The following AFAP1 variants were observed in gnomAD, a reference collection of about 807,000 sequenced individuals.
AFAP1 encodes actin filament-associated protein 1.
Under a neutral mutation model 93.9 loss-of-function variants are expected in AFAP1, and 75 were observed. The ratio of observed to expected loss-of-function variants is 0.80; its 90% confidence interval spans 0.66 to 0.97. The LOEUF is 0.97. AFAP1 is among the 50% of genes least tolerant of loss of function. AFAP1 has a pLI of 0.00. For missense variants in AFAP1, 1,201 were observed against 1,050.8 expected, an observed-to-expected ratio of 1.14 and a Z score of -1.98; for synonymous variants, 517 against 430.7, an observed-to-expected ratio of 1.20 and a Z score of -2.48.
intron 11 of AFAP1, among the ~76,000 whole-genome samples, chr4:7,791,191 G>A (rs1032238956): frequency 6.6e-6 from 1 of 152,160 alleles, no homozygotes; most frequent in Non-Finnish European, 1.5e-5. Flanking sequence ...TTGAAAGGTC[G>A]TGTAATCTCA....
intron 3 of AFAP1, 65 bp from the exon 4 acceptor site, chr4:7,855,639 C>CTTCT: frequency 7.7e-7 from 1 of 1,292,394 alleles, no homozygotes; most frequent in Non-Finnish European, 1.1e-6. Flanking sequence ...TCTGGATTTC[C>CTTCT]AATTAACAGG....
chr4:7,781,714 C>T lies in AFAP1; in HGVS notation c.1531-87G>A, dbSNP rs538186087. 4.8e-5 allele frequency: 72 copies of T among 1,492,826 alleles called. No homozygotes were observed. The Middle Eastern group carries it at 7.2e-4, about 15-fold the overall frequency. 92.5% of individuals were successfully genotyped at this position (1,492,826 alleles called of 1,614,324 possible). Reference sequence around the variant, plus strand: ...AGTGAGATGTCATTTATTAATAGTACGGCATTTAGCATACATTGGCACCCC... The same window carrying T: ...AGTGAGATGTCATTTATTAATAGTATGGCATTTAGCATACATTGGCACCCC... On this transcript the variant is annotated intron_variant, in intron 12 of 17. Transcript: ENST00000420658.
At chr4:7,892,620 T>A (rs1004986387) in intron 1 of AFAP1, among the ~76,000 whole-genome samples, 1 of 152,174 alleles carries the variant, frequency 6.6e-6, no homozygotes, top group Non-Finnish European at 1.5e-5. Context: ...ATGATTTAAA[T>A]AAAAAGCTGA....
chr4:7,786,351 AC>A, intron 11 of AFAP1, 40 bp from the exon 12 acceptor site: 2 of 1,520,128 alleles, frequency 1.3e-6, no homozygotes, highest in Non-Finnish European at 1.8e-6. Flanking sequence ...TAACCTGACC[AC>A]CTTTTACTCC....
At chr4:7,793,560 A>C in intron 11 of AFAP1, 121 bp downstream of exon 11, 1 of 1,160,046 alleles carries the variant, frequency 8.6e-7, no homozygotes, top group Non-Finnish European at 1.1e-6. Context: ...GATAATGCAA[A>C]AGGGAAAGTC....
chr4:7,815,982 TAG>T (rs1577245535), intron 8 of AFAP1, 34 bp downstream of exon 8: 1 of 1,524,802 alleles, frequency 6.6e-7, no homozygotes, highest in Non-Finnish European at 8.9e-7. Context: ...TTTTTTTTTT[TAG>T]TGTATATATG....
chr4:7,814,142 T>C (rs550503421), intron 8 of AFAP1, among the ~76,000 whole-genome samples: 1 of 152,268 alleles, frequency 6.6e-6, no homozygotes, highest in East Asian at 1.9e-4. Context: ...GGACTTGTAT[T>C]CAGAAAAGAC....
At chr4:7,925,657 A>G (rs1237105087) in intron 1 of AFAP1, among the ~76,000 whole-genome samples, 1 of 152,034 alleles carries the variant, frequency 6.6e-6, no homozygotes, top group Non-Finnish European at 1.5e-5. Flanking sequence ...GACCAGCCTG[A>G]CCAACAAGGA....
chr4:7,830,496 C>G (rs73086472), intron 6 of AFAP1, among the ~76,000 whole-genome samples: 119 of 152,302 alleles, frequency 7.8e-4, no homozygotes, highest in African/African-American at 2.8e-3. Flanking sequence ...GAAAAAACAG[C>G]TGCAGGGTTT....
In AFAP1 at chr4:7,909,123, A is replaced by G. The variant is rs114274250; in HGVS notation, c.-3+30533T>C. On this transcript the variant is annotated intron_variant, in intron 1 of 17. Coordinates refer to ENST00000420658, the MANE Select transcript of AFAP1 (RefSeq NM_001134647.2). ...AAATTCATTAGCTCTTAATATTTAC[A>G]TTTAAATATGATGATGGTGGTGTCA... is the stretch of plus-strand genomic sequence containing the variant. Among the ~76,000 whole-genome samples the G allele has an allele frequency of 2.3e-3, 351 of 152,366 alleles. 2 individuals carry two copies. Among genetic ancestry groups the G allele is most frequent in the African/African-American group, 8.0e-3 (334 of 41,588 alleles).
At chr4:7,799,115 G>T in intron 10 of AFAP1, 1 of 982,996 alleles carries the variant, frequency 1.0e-6, no homozygotes, top group South Asian at 4.7e-5. Context: ...GGTGGGTAAA[G>T]AAGCTGAGAG....
Position 7,916,939 on chromosome 4 carries a change from T to C in AFAP1, c.-3+22717A>G, listed in dbSNP as rs114328013. Among the ~76,000 whole-genome samples, 228 of 152,314 alleles carry C rather than the reference T, an allele frequency of 1.5e-3. 2 individuals are homozygous for C. The highest frequency in any genetic ancestry group is 5.4e-3 in the African/African-American group (226 of 41,570). ...TGTACCAGACACTGAATGTATTCAC[T>C]GAATGCACTATTTCTTGAAATGATC... On this transcript the variant is annotated intron_variant, in intron 1 of 17. Coordinates refer to ENST00000420658, the MANE Select transcript of AFAP1 (RefSeq NM_001134647.2).
chr4:7,803,047 C>A (rs1719201145), intron 9 of AFAP1, among the ~76,000 whole-genome samples: 1 of 152,208 alleles, frequency 6.6e-6, no homozygotes, highest in Admixed American at 6.5e-5. Flanking sequence ...GGCTCTGACA[C>A]CATCTAGAGT....
chr4:7,937,614 G>A (rs568508019), intron 1 of AFAP1, among the ~76,000 whole-genome samples: 2 of 152,270 alleles, frequency 1.3e-5, no homozygotes, highest in African/African-American at 4.8e-5. Context: ...AGCCTCATGA[G>A]TAGCTGCGAT....
intron 1 of AFAP1, among the ~76,000 whole-genome samples, chr4:7,879,606 G>A (rs772235324): frequency 7.3e-5 from 11 of 151,308 alleles, no homozygotes; most frequent in Non-Finnish European, 1.5e-4. Flanking sequence ...ACCTGGAGGC[G>A]TTTCTGCATA....
At chr4:7,764,001 C>G (rs1714184124) in intron 17 of AFAP1, among the ~76,000 whole-genome samples, 1 of 152,172 alleles carries the variant, frequency 6.6e-6, no homozygotes, top group African/African-American at 2.4e-5. Flanking sequence ...ACCACACACC[C>G]CGTTCACAGC....
At chr4:7,796,542 G>A (rs1218318877) in intron 10 of AFAP1, among the ~76,000 whole-genome samples, 2 of 151,932 alleles carry the variant, frequency 1.3e-5, no homozygotes, top group African/African-American at 2.4e-5. Context: ...GAGGTCAGGA[G>A]ATCGAGACCA....
intron 10 of AFAP1, among the ~76,000 whole-genome samples, chr4:7,796,140 G>A (rs75319281): frequency 0.014 from 2,100 of 152,140 alleles, 26 homozygotes; most frequent in Non-Finnish European, 0.02. Flanking sequence ...CTGGCCCGCC[G>A]GCAGAAGTGA....
chr4:7,884,828 T>C (rs887660164), intron 1 of AFAP1, among the ~76,000 whole-genome samples: 30 of 152,220 alleles, frequency 2.0e-4, no homozygotes, highest in African/African-American at 4.8e-4. Flanking sequence ...GACTGATCAA[T>C]GTGCCTACAA....
Sources: gnomAD v4.1 joint callset for allele counts (sites outside exome capture counted in the v4.1 genomes callset) on GRCh38, gnomAD v4.1.1 for gene constraint, MANE v1.5 for transcripts, NCBI Gene and HGNC (gene_info 2026-07-23, HGNC 2026-07-21) for gene names.